Variants in AGBL1 observed in about 807,000 individuals in gnomAD.
AGBL1 encodes the protein AGBL carboxypeptidase 1.
AGBL1 carries 130 observed loss-of-function variants against 118.9 expected under a neutral mutation model. The ratio of observed to expected loss-of-function variants is 1.09; its 90% CI spans 0.95 to 1.26. The LOEUF is 1.26. Among genes scored for constraint, AGBL1 ranks in the 50% most tolerant of loss-of-function variants. The pLI is 0.00. For missense variants in AGBL1, 1,584 were observed against 1,298.1 expected, an observed-to-expected ratio of 1.22 and a Z score of -3.38; for synonymous variants, 555 against 478.9, an observed-to-expected ratio of 1.16 and a Z score of -2.08.
chr15:86,224,287 G>A (rs529051065), intron 5 of AGBL1, among the ~76,000 whole-genome samples: 2 of 152,200 alleles, frequency 1.3e-5, no homozygotes, highest in South Asian at 4.1e-4. Flanking sequence ...CTAAGATGTG[G>A]GTCAAAAAGT....
At chr15:86,823,537 A>G (rs1027545938) in intron 22 of AGBL1, among the ~76,000 whole-genome samples, 6 of 152,226 alleles carry the variant, frequency 3.9e-5, no homozygotes, top group African/African-American at 1.4e-4. Flanking sequence ...CAGACCAATC[A>G]GGAAAATACA....
At chr15:86,780,729 T>C (rs901596955) in intron 22 of AGBL1, among the ~76,000 whole-genome samples, 1 of 151,716 alleles carries the variant, frequency 6.6e-6, no homozygotes, top group South Asian at 2.1e-4. Flanking sequence ...TGGCGTGATA[T>C]CTTGGCTCAC....
intron 1 of AGBL1, among the ~76,000 whole-genome samples, chr15:86,118,523 G>A (rs1373073184): frequency 6.6e-6 from 1 of 151,316 alleles, no homozygotes; most frequent in African/African-American, 2.4e-5. Flanking sequence ...CCTTTATTTG[G>A]TTGCTCTAGG....
chr15:86,480,100 G>C (rs148162221), intron 18 of AGBL1, among the ~76,000 whole-genome samples: 9 of 152,194 alleles, frequency 5.9e-5, no homozygotes, highest in East Asian at 5.8e-4. Context: ...GTGGGGAGAG[G>C]GGGGAGGGAT....
chr15:86,110,762 C>A (rs936919825), intron 1 of AGBL1, among the ~76,000 whole-genome samples: 29 of 152,182 alleles, frequency 1.9e-4, no homozygotes, highest in Admixed American at 1.1e-3. Flanking sequence ...TTCCTGATAC[C>A]CACAACAATG....
At chr15:86,744,078 G>A (rs1247151527) in intron 22 of AGBL1, among the ~76,000 whole-genome samples, 3 of 152,048 alleles carry the variant, frequency 2.0e-5, no homozygotes, top group Non-Finnish European at 4.4e-5. Flanking sequence ...CCTTCCAAAT[G>A]TTAGCTGAGA....
At chr15:86,980,946 G>A (rs1195042684) in intron 23 of AGBL1, among the ~76,000 whole-genome samples, 1 of 144,948 alleles carries the variant, frequency 6.9e-6, no homozygotes, top group African/African-American at 2.6e-5. Flanking sequence ...GAGTGCAGTG[G>A]TGTGATCTCA....
intron 22 of AGBL1, among the ~76,000 whole-genome samples, chr15:86,769,640 A>G (rs1489483222): frequency 6.6e-6 from 1 of 152,002 alleles, no homozygotes; most frequent in African/African-American, 2.4e-5. Flanking sequence ...GTCCAAGGAC[A>G]CTTGTTCATT....
At chr15:86,577,705 T>C (rs1056490763) in intron 21 of AGBL1, among the ~76,000 whole-genome samples, 2 of 152,118 alleles carry the variant, frequency 1.3e-5, no homozygotes, top group African/African-American at 4.8e-5. Context: ...TGGTGCCCTG[T>C]GTCCCAGTCA....
At chr15:86,517,303 G>A (rs2083133466) in intron 18 of AGBL1, among the ~76,000 whole-genome samples, 1 of 152,178 alleles carries the variant, frequency 6.6e-6, no homozygotes, top group Non-Finnish European at 1.5e-5. Flanking sequence ...ACTTTAATGT[G>A]CATACACAGT....
intron 18 of AGBL1, among the ~76,000 whole-genome samples, chr15:86,509,329 G>A (rs1596204365): frequency 6.6e-6 from 1 of 152,116 alleles, no homozygotes; most frequent in Non-Finnish European, 1.5e-5. Context: ...CCATCAGCAG[G>A]TGAGGGGATT....
chr15:86,828,076 A>C (rs78834432), intron 22 of AGBL1, among the ~76,000 whole-genome samples: 1 of 150,910 alleles, frequency 6.6e-6, no homozygotes, highest in Admixed American at 6.6e-5. Flanking sequence ...AATAAGCATG[A>C]CTACAAATAC....
At chr15:86,131,781 C>T (rs1339618565) in intron 1 of AGBL1, among the ~76,000 whole-genome samples, 1 of 151,772 alleles carries the variant, frequency 6.6e-6, no homozygotes, top group Non-Finnish European at 1.5e-5. Context: ...GAAATCCTGT[C>T]TCTACCAAAA....
chr15:86,602,359 T>C (rs779352464), intron 21 of AGBL1, among the ~76,000 whole-genome samples: 38 of 152,178 alleles, frequency 2.5e-4, no homozygotes, highest in Non-Finnish European at 5.0e-4. Flanking sequence ...AACTACTCAA[T>C]AAATGGTAGC....
At chr15:86,621,424 C>T (rs1596314782) in intron 21 of AGBL1, among the ~76,000 whole-genome samples, 1 of 152,196 alleles carries the variant, frequency 6.6e-6, no homozygotes, top group East Asian at 1.9e-4. Context: ...GCAGGAGTCC[C>T]ATTCCACATT....
chr15:86,765,594 G>A (rs1393992184), intron 22 of AGBL1, among the ~76,000 whole-genome samples: 1 of 151,950 alleles, frequency 6.6e-6, no homozygotes, highest in African/African-American at 2.4e-5. Flanking sequence ...ACGATTCCCT[G>A]GAGCTTTAAG....
chr15:86,845,522 A>C (rs946925962), intron 22 of AGBL1, among the ~76,000 whole-genome samples: 5 of 152,032 alleles, frequency 3.3e-5, no homozygotes, highest in African/African-American at 1.2e-4. Flanking sequence ...ATGTGTTTAT[A>C]CTCATGAAGG....
chr15:86,783,285 CTCATCTTCTACTAAAGACATGCA>C (rs760431884), intron 22 of AGBL1, among the ~76,000 whole-genome samples: 2 of 152,186 alleles, frequency 1.3e-5, no homozygotes, highest in Non-Finnish European at 2.9e-5. Flanking sequence ...TGTTTTCTTT[CTCATCTTCTACTAAAGACATGCA>C]TCTGTTCTGT....
chr15:86,254,977 A>C (rs1219014113), intron 7 of AGBL1, among the ~76,000 whole-genome samples: 1 of 152,186 alleles, frequency 6.6e-6, no homozygotes, highest in Admixed American at 6.6e-5. Context: ...CTTCAAATTC[A>C]GTTCGTGGTA....
Sources: gnomAD v4.1 joint callset for allele counts (sites outside exome capture counted in the v4.1 genomes callset) on GRCh38, gnomAD v4.1.1 for gene constraint, MANE v1.5 for transcripts, NCBI Gene and HGNC (gene_info 2026-07-23, HGNC 2026-07-21) for gene names.